Variants in FSTL4 observed in about 807,000 individuals in gnomAD.
The protein encoded by FSTL4 is follistatin-related protein 4.
FSTL4 carries 28 observed loss-of-function variants against 78.2 expected under a neutral mutation model. The observed-to-expected ratio is 0.36, with a 90% CI of 0.27 to 0.49. FSTL4 has a LOEUF of 0.49. Among genes scored for constraint, FSTL4 ranks in the 20% least tolerant of loss-of-function variants. The pLI, the probability that FSTL4 is intolerant of heterozygous loss-of-function variation, is 0.98. For missense variants in FSTL4, 922 were observed against 1,084.9 expected (o/e 0.85, Z 2.11); for synonymous variants, 422 against 440.5 (o/e 0.96, Z 0.53).
chr5:133,322,761 T>C (rs1454875268), intron 4 of FSTL4, among the ~76,000 whole-genome samples: 1 of 152,230 alleles, frequency 6.6e-6, no homozygotes, highest in Non-Finnish European at 1.5e-5. Context: ...AGTCCACGCC[T>C]GAGACCGGAA....
the FSTL4 span, among the ~76,000 whole-genome samples, chr5:133,786,009 A>T: frequency 3.9e-5 from 6 of 152,170 alleles, no homozygotes; most frequent in Non-Finnish European, 7.4e-5. Context: ...GTCTCTAACC[A>T]TACACCCACG....
intron 2 of FSTL4, among the ~76,000 whole-genome samples, chr5:133,575,795 G>A (rs894617914): frequency 3.3e-5 from 5 of 152,124 alleles, no homozygotes; most frequent in African/African-American, 1.2e-4. Context: ...TAGTGCATGG[G>A]CATTACTTAA....
intron 2 of FSTL4, among the ~76,000 whole-genome samples, chr5:133,579,562 G>A (rs909840111): frequency 5.9e-5 from 9 of 152,240 alleles, no homozygotes; most frequent in Middle Eastern, 6.8e-3. Flanking sequence ...AGGACAGCAA[G>A]GACAAGTGGC....
At chr5:133,462,663 A>C (rs957574564) in intron 3 of FSTL4, among the ~76,000 whole-genome samples, 3 of 152,126 alleles carry the variant, frequency 2.0e-5, no homozygotes, top group African/African-American at 7.2e-5. Flanking sequence ...GATTCTGAAG[A>C]GATAGTCTTT....
Position 133,225,370 on chromosome 5 carries a change from TG to T in FSTL4, c.1178-87del. On this transcript the variant is annotated intron_variant, in intron 9 of 15. Transcript: ENST00000265342. The surrounding 1 kb of genome is among the most constrained non-coding windows in gnomAD (Gnocchi z 4.6). ...ATGGGGCCATTGAGAGTGTTAGGGC[TG>T]CCCAGCCCCTGGGCAGCCAGCAGCC... 2 of 1,534,766 alleles carry T rather than the reference TG, an allele frequency of 1.3e-6. No individual in the cohort carries two copies. The highest frequency in any genetic ancestry group is 1.8e-6 in the Non-Finnish European group (2 of 1,117,786).
chr5:133,678,338 C>T, the FSTL4 span, among the ~76,000 whole-genome samples: 3 of 152,136 alleles, frequency 2.0e-5, no homozygotes, highest in Non-Finnish European at 4.4e-5. Flanking sequence ...GTAATGACAG[C>T]TCAGACTTGG....
chr5:133,649,037 C>T, the FSTL4 span, among the ~76,000 whole-genome samples: 1 of 152,200 alleles, frequency 6.6e-6, no homozygotes, highest in African/African-American at 2.4e-5. Context: ...CCCTCCCTTC[C>T]CCAACTCCAG....
intron 3 of FSTL4, among the ~76,000 whole-genome samples, chr5:133,517,936 T>C (rs1486796122): frequency 2.0e-5 from 3 of 152,218 alleles, no homozygotes; most frequent in Non-Finnish European, 4.4e-5. Flanking sequence ...ACCCACATTA[T>C]GGAGGGTAAT....
chr5:133,321,323 C>T (rs1355997863), intron 4 of FSTL4, among the ~76,000 whole-genome samples: 1 of 152,224 alleles, frequency 6.6e-6, no homozygotes, highest in Admixed American at 6.5e-5. Context: ...CACCCCTTAC[C>T]TTCATCACTC....
At chr5:133,815,994 T>C in the FSTL4 span, among the ~76,000 whole-genome samples, 2 of 152,208 alleles carry the variant, frequency 1.3e-5, no homozygotes, top group African/African-American at 4.8e-5. Context: ...ATGACATGTC[T>C]ATTATACAAT....
chr5:133,701,449 C>T, the FSTL4 span, among the ~76,000 whole-genome samples: 12 of 132,672 alleles, frequency 9.0e-5, no homozygotes, highest in African/African-American at 3.3e-4. Flanking sequence ...AGGTGAGAAC[C>T]TAGTCAGAAA....
the FSTL4 span, among the ~76,000 whole-genome samples, chr5:133,626,824 T>C: frequency 6.6e-6 from 1 of 152,178 alleles, no homozygotes; most frequent in African/African-American, 2.4e-5. Context: ...TTTTGTTACA[T>C]GTTCTGTGCA....
chr5:133,381,735 T>C (rs550571989), intron 4 of FSTL4, among the ~76,000 whole-genome samples: 1 of 152,240 alleles, frequency 6.6e-6, no homozygotes, highest in Non-Finnish European at 1.5e-5. Flanking sequence ...TTTCACCAAG[T>C]GGTTTCCCTT....
At chr5:133,406,758 T>C (rs11242152) in intron 3 of FSTL4, among the ~76,000 whole-genome samples, 52,611 of 152,172 alleles carry the variant, frequency 0.35, 9,786 homozygotes, top group Middle Eastern at 0.46. Context: ...TTAGAATCTA[T>C]GAGCTCATCT....
At chr5:133,752,488 G>T in the FSTL4 span, among the ~76,000 whole-genome samples, 1 of 152,088 alleles carries the variant, frequency 6.6e-6, no homozygotes, top group Admixed American at 6.5e-5. Context: ...GTGGTGGCGG[G>T]TGCCTGTAAT....
chr5:133,746,284 C>T, the FSTL4 span, among the ~76,000 whole-genome samples: 3 of 152,128 alleles, frequency 2.0e-5, no homozygotes, highest in East Asian at 1.9e-4. Flanking sequence ...CACTTTAGTA[C>T]GTGTGTGATT....
intron 3 of FSTL4, among the ~76,000 whole-genome samples, chr5:133,552,722 G>A (rs944311200): frequency 6.6e-6 from 1 of 152,168 alleles, no homozygotes; most frequent in Non-Finnish European, 1.5e-5. Context: ...AAGGGTCTTA[G>A]GAGAAACCTG....
intron 2 of FSTL4, among the ~76,000 whole-genome samples, chr5:133,596,284 C>T (rs1462015916): frequency 2.0e-5 from 3 of 152,158 alleles, no homozygotes; most frequent in Non-Finnish European, 2.9e-5. Context: ...GGGGCTGAAG[C>T]GTGGGTTGTG....
intron 3 of FSTL4, among the ~76,000 whole-genome samples, chr5:133,418,784 C>T (rs1756633303): frequency 6.6e-6 from 1 of 152,168 alleles, no homozygotes; most frequent in Non-Finnish European, 1.5e-5. Flanking sequence ...CACCTATATA[C>T]AGCATACAAT....
Sources: gnomAD v4.1 joint callset for allele counts (sites outside exome capture counted in the v4.1 genomes callset) on GRCh38, gnomAD v4.1.1 for gene constraint, Gnocchi (gnomAD v3.1) non-coding constraint, MANE v1.5 for transcripts, NCBI Gene and HGNC (gene_info 2026-07-23, HGNC 2026-07-21) for gene names.